The following ZFYVE16 variants were observed in gnomAD, a reference collection of about 807,000 sequenced individuals.
ZFYVE16 encodes the protein zinc finger FYVE-type containing 16.
Under a neutral mutation model 138.1 loss-of-function variants are expected in ZFYVE16, and 89 were observed. The ratio of observed to expected loss-of-function variants is 0.64; its 90% CI spans 0.54 to 0.77. ZFYVE16 has a LOEUF of 0.77. ZFYVE16 is among the 30% of genes least tolerant of loss of function. The pLI, the probability that ZFYVE16 is intolerant of heterozygous loss-of-function variation, is 0.00. For synonymous variants in ZFYVE16, 596 were observed against 618.3 expected (o/e 0.96, Z 0.53); for missense variants, 1,793 against 1,786.7 (o/e 1.00, Z -0.06).
At chr5:80,416,228 CGTCAG>C (rs1273341792) in intron 1 of ZFYVE16, among the ~76,000 whole-genome samples, 1 of 146,054 alleles carries the variant, frequency 6.8e-6, no homozygotes, top group Non-Finnish European at 1.5e-5. Flanking sequence ...CATTTACTTA[CGTCAG>C]TATGAATACA....
At chr5:80,475,592 G>A (rs1561343160) in intron 18 of ZFYVE16, among the ~76,000 whole-genome samples, 2 of 152,170 alleles carry the variant, frequency 1.3e-5, no homozygotes, top group South Asian at 4.1e-4. Context: ...AAATAAGTGT[G>A]TGTCCTCCTT....
At chr5:80,426,841 A>G (rs2112269694) in intron 1 of ZFYVE16, among the ~76,000 whole-genome samples, 1 of 152,270 alleles carries the variant, frequency 6.6e-6, no homozygotes, top group African/African-American at 2.4e-5. Context: ...ATCTGATTCT[A>G]GGTCTTTGAG....
At position 80,437,835 on chromosome 5, in the gene ZFYVE16, A is replaced by G. The variant is rs190265749; in HGVS notation, c.1150A>G (p.Met384Val). The change falls in exon 4 of 19, where the codon ATG becomes GTG. Residue 384 changes from methionine (M) to valine (V), a missense_variant. Met to Val is a conservative substitution (Grantham distance 21). Coordinates refer to ENST00000505560, the MANE Select transcript of ZFYVE16 (RefSeq NM_001284236.3). ...GTCCTGTCTTCCTGCGTCTGGGTCTATGTGTGGATCATTAATTGAAAGTAA... is the reference window on the plus strand; with the variant it reads ...GTCCTGTCTTCCTGCGTCTGGGTCTGTGTGTGGATCATTAATTGAAAGTAA... ...SLSCLPASGS[M>V]CGSLIESKAR... 1.9e-6 allele frequency: 3 copies of G among 1,614,020 alleles called. No individual in the cohort carries two copies. Among genetic ancestry groups the G allele is most frequent in the East Asian group, 4.5e-5 (2 of 44,876 alleles).
At position 80,439,977 on chromosome 5, in the gene ZFYVE16, A is replaced by T; in HGVS notation, c.2364A>T (p.Gln788His). 1 of 1,611,538 alleles carries T rather than the reference A, an allele frequency of 6.2e-7. No homozygotes were observed. Residue 788 changes from glutamine to histidine, a missense_variant, in exon 5 of 19, where the codon CAA (glutamine) becomes CAT (histidine). Physicochemically the swap from Gln to His is conservative, Grantham distance 24. Coordinates refer to ENST00000505560, the MANE Select transcript of ZFYVE16 (RefSeq NM_001284236.3). ...GVCCNRKCKL[Q>H]YLEKEARVCV... ...GTTGTAATAGGAAGTGTAAACTGCA[A>T]TATCTAGAAAAGGAAGCAAGAGTAT...
intron 1 of ZFYVE16, among the ~76,000 whole-genome samples, chr5:80,418,437 C>A (rs1746586755): frequency 1.3e-5 from 2 of 151,788 alleles, no homozygotes; most frequent in African/African-American, 2.4e-5. Flanking sequence ...CTGAGCCTCT[C>A]AAGTAGCTAG....
intron 5 of ZFYVE16, chr5:80,441,992 A>G: frequency 3.4e-6 from 3 of 887,800 alleles, no homozygotes; most frequent in Non-Finnish European, 4.1e-6. Flanking sequence ...GAAATTTATG[A>G]ATGTATGTAG....
intron 3 of ZFYVE16, among the ~76,000 whole-genome samples, chr5:80,434,736 G>T (rs781238341): frequency 2.6e-5 from 4 of 152,140 alleles, no homozygotes; most frequent in African/African-American, 7.2e-5. Flanking sequence ...CTACCAAAAT[G>T]TTGGGATTAT....
chr5:80,470,939 T>TAAA (rs113428910), intron 15 of ZFYVE16, among the ~76,000 whole-genome samples: 4 of 151,432 alleles, frequency 2.6e-5, no homozygotes, highest in Admixed American at 2.0e-4. Context: ...CAGGACTGTG[T>TAAA]AAAGACAATG....
chr5:80,408,439 G>T (rs1744932712), intron 1 of ZFYVE16, among the ~76,000 whole-genome samples: 2 of 152,352 alleles, frequency 1.3e-5, no homozygotes, highest in South Asian at 4.1e-4. Context: ...CTCCCGGGCC[G>T]CCGGAGTGTT....
intron 7 of ZFYVE16, among the ~76,000 whole-genome samples, chr5:80,446,437 A>G (rs1313711735): frequency 6.6e-6 from 1 of 152,180 alleles, no homozygotes; most frequent in African/African-American, 2.4e-5. Context: ...TTTCAGAACA[A>G]AAGTTTAGTG....
Position 80,477,330 on chromosome 5 carries a change from C to T in ZFYVE16, c.4573C>T (p.Pro1525Ser). The part of the protein sequence containing the change: ...IHGGTSNSSL[P>S]LEIELVFFII... ...TGGTGGGACCTCCAACTCTAGTTTA[C>T]CATTAGAAATAGAATTAGTGTTTTT... The change falls in exon 19 of 19, where the codon CCA becomes TCA. Residue 1525 changes from proline (P) to serine (S), a missense_variant. Pro to Ser is a moderately conservative substitution (Grantham distance 74). Coordinates refer to ENST00000505560, the MANE Select transcript of ZFYVE16 (RefSeq NM_001284236.3). 1 of 1,608,902 alleles carries T rather than the reference C, an allele frequency of 6.2e-7. No individual in the cohort carries two copies. Among genetic ancestry groups the T allele is most frequent in the South Asian group, 1.1e-5 (1 of 90,478 alleles).
intron 6 of ZFYVE16, chr5:80,444,003 A>G (rs955707472): frequency 3.0e-6 from 1 of 329,860 alleles, no homozygotes; most frequent in Non-Finnish European, 6.0e-6. Context: ...TTTTAAATCT[A>G]TTTTTAAATC....
intron 15 of ZFYVE16, among the ~76,000 whole-genome samples, chr5:80,469,092 C>CTTTTT (rs1486813551): frequency 6.8e-6 from 1 of 147,468 alleles, no homozygotes; most frequent in African/African-American, 2.5e-5. Context: ...TTTTCTTTCT[C>CTTTTT]TCTTTTTTTT....
intron 2 of ZFYVE16, among the ~76,000 whole-genome samples, chr5:80,431,484 A>C (rs896903759): frequency 3.9e-5 from 6 of 152,230 alleles, no homozygotes; most frequent in Non-Finnish European, 5.9e-5. Context: ...CCAGTATCAT[A>C]CTGAATTGGC....
At chr5:80,410,360 G>T (rs1227839226) in intron 1 of ZFYVE16, 3 of 151,590 alleles carry the variant, frequency 2.0e-5, no homozygotes, top group Non-Finnish European at 4.4e-5. Context: ...TACCAACATC[G>T]AGTACTTTTA....
chr5:80,440,389 C>T (rs944257766), intron 5 of ZFYVE16: 26 of 994,540 alleles, frequency 2.6e-5, no homozygotes, highest in Non-Finnish European at 3.0e-5. Context: ...AATAGTAGTA[C>T]TCAATATTAT....
chr5:80,446,444 A>C (rs1466588470), intron 7 of ZFYVE16, among the ~76,000 whole-genome samples: 1 of 152,226 alleles, frequency 6.6e-6, no homozygotes, highest in Admixed American at 6.5e-5. Context: ...ACAAAAGTTT[A>C]GTGAGAATAA....
chr5:80,434,157 TA>T lies in ZFYVE16; in HGVS notation c.11del (p.Tyr4PhefsTer77). On this transcript the variant is annotated frameshift_variant, in exon 3 of 19. Coordinates refer to ENST00000505560, the MANE Select transcript of ZFYVE16 (RefSeq NM_001284236.3). LOFTEE classifies it high-confidence loss of function. ...TAAGTCTGCAGGTAGGATGGACAGT[TA>T]TTTTAAAGCAGCTGTCAGTGACTTG... Reference protein sequence around the residue: MDSYFKAAVSDLDK... With the variant: MDSXFKAAVSDLDK... 6.2e-7 allele frequency: 1 copy of T among 1,613,332 alleles called. No individual in the cohort carries two copies. The highest frequency in any genetic ancestry group is 1.1e-5 in the South Asian group (1 of 90,968).
rs1250334238 is a variant in ZFYVE16 at position 80,472,861 on chromosome 5, A to G, written c.4125A>G (p.Ala1375=). The G allele has an allele frequency of 2.5e-6, 4 of 1,613,904 alleles. No homozygotes were observed. The South Asian group carries it at 3.3e-5, about 13-fold the overall frequency. The stretch of plus-strand genomic sequence containing the variant: ...AAATTACATGTGGGAAAGTTGATGC[A>G]GTAGACCTGAGAGAATACGTGGATA... ...DFKITCGKVD[A]VDLREYVDIC... is the part of the protein sequence containing the mutation. Residue 1375 remains alanine (A), a synonymous_variant, in exon 16 of 19, where the codon GCA becomes GCG. Coordinates refer to ENST00000505560, the MANE Select transcript of ZFYVE16 (RefSeq NM_001284236.3).
Sources: gnomAD v4.1 joint callset for allele counts (sites outside exome capture counted in the v4.1 genomes callset) on GRCh38, gnomAD v4.1.1 for gene constraint, MANE v1.5 for transcripts, NCBI Gene and HGNC (gene_info 2026-07-23, HGNC 2026-07-21) for gene names.